PTPRD: variants seen among roughly 807,000 people sequenced by gnomAD.
The protein encoded by PTPRD is protein tyrosine phosphatase receptor type D.
PTPRD carries 34 observed loss-of-function variants against 214.5 expected under a neutral mutation model. The ratio of observed to expected loss-of-function variants is 0.16; its 90% confidence interval spans 0.12 to 0.21. The LOEUF (loss-of-function observed/expected upper bound fraction) is 0.21, where lower values mean the gene tolerates loss of function less well. PTPRD is among the 10% of genes least tolerant of loss of function. The probability of loss-of-function intolerance (pLI) is 1.00; values close to 1 mark genes in which losing one functional copy is unlikely to be tolerated. For synonymous variants in PTPRD, 1,128 were observed against 845.7 expected, an observed-to-expected ratio of 1.33 and a Z score of -5.79; for missense variants, 2,545 against 2,398.7, an observed-to-expected ratio of 1.06 and a Z score of -1.27.
intron 10 of PTPRD, among the ~76,000 whole-genome samples, chr9:9,061,764 G>T (rs1290396119): frequency 6.6e-6 from 1 of 152,162 alleles, no homozygotes; most frequent in Non-Finnish European, 1.5e-5. Context: ...TTGGGACCCA[G>T]TGGCACTAGC....
At position 9,620,782 on chromosome 9, in the gene PTPRD, T is replaced by C. The variant is rs551435867; in HGVS notation, c.-286-46001A>G. ...AGTTTTTGAGATTCAAGTGATGACA[T>C]AGAACTTTATCGTCAGCTACATCAG... On this transcript the variant is annotated intron_variant, in intron 7 of 45. Coordinates refer to ENST00000381196, the MANE Select transcript of PTPRD (RefSeq NM_002839.4). 9.2e-5 allele frequency among the ~76,000 whole-genome samples: 14 copies of C among 151,664 alleles called. No homozygotes were observed. In the East Asian group the frequency reaches 1.4e-3, roughly 15 times the overall value.
intron 8 of PTPRD, chr9:9,442,530 A>C (rs972268881): frequency 1.3e-5 from 2 of 152,240 alleles, no homozygotes; most frequent in Non-Finnish European, 2.9e-5. Context: ...AAACTCCACT[A>C]AATGGCTTGA....
At chr9:10,423,133 G>T (rs908206389) in intron 2 of PTPRD, among the ~76,000 whole-genome samples, 1 of 151,944 alleles carries the variant, frequency 6.6e-6, no homozygotes, top group East Asian at 1.9e-4. Context: ...CCATAAAAAA[G>T]GATGAATTCA....
intron 5 of PTPRD, among the ~76,000 whole-genome samples, chr9:9,859,835 C>T: frequency 6.6e-6 from 1 of 152,158 alleles, no homozygotes; most frequent in East Asian, 1.9e-4. Flanking sequence ...TATAACATGG[C>T]TCTGTTTCTT....
At chr9:10,563,540 T>A (rs1265643163) in intron 2 of PTPRD, among the ~76,000 whole-genome samples, 1 of 152,196 alleles carries the variant, frequency 6.6e-6, no homozygotes. Flanking sequence ...TTATCATAAA[T>A]ATTACTAATG....
chr9:8,501,593 T>A (rs2097409165), intron 23 of PTPRD, among the ~76,000 whole-genome samples: 2 of 152,132 alleles, frequency 1.3e-5, no homozygotes, highest in Non-Finnish European at 2.9e-5. Flanking sequence ...TTCTACCAGT[T>A]CCAATTAAAA....
chr9:10,226,633 A>C (rs947361869), intron 3 of PTPRD, among the ~76,000 whole-genome samples: 2 of 152,038 alleles, frequency 1.3e-5, no homozygotes, highest in Non-Finnish European at 2.9e-5. Context: ...ATTAAATCTC[A>C]AGTACTAAGC....
intron 3 of PTPRD, among the ~76,000 whole-genome samples, chr9:10,281,516 G>C (rs766173774): frequency 2.0e-5 from 3 of 152,136 alleles, no homozygotes; most frequent in Non-Finnish European, 2.9e-5. Context: ...AGAGAATGGA[G>C]TCTCAAACTA....
intron 35 of PTPRD, among the ~76,000 whole-genome samples, chr9:8,434,664 A>G (rs931282330): frequency 3.3e-5 from 5 of 152,222 alleles, no homozygotes; most frequent in Non-Finnish European, 5.9e-5. Flanking sequence ...CAGGGCTATG[A>G]AAAAATATCA....
chr9:9,077,937 A>G (rs1269639114), intron 10 of PTPRD, among the ~76,000 whole-genome samples: 1 of 152,114 alleles, frequency 6.6e-6, no homozygotes, highest in Admixed American at 6.6e-5. Context: ...TTGAGCATTT[A>G]TCTACCTGAC....
chr9:10,536,417 T>C (rs1449946554), intron 2 of PTPRD, among the ~76,000 whole-genome samples: 1 of 152,128 alleles, frequency 6.6e-6, no homozygotes, highest in Non-Finnish European at 1.5e-5. Flanking sequence ...GACTCAAGCA[T>C]AGAATACAAT....
chr9:10,151,331 C>T (rs371086859), intron 3 of PTPRD, among the ~76,000 whole-genome samples: 4 of 132,144 alleles, frequency 3.0e-5, no homozygotes, highest in African/African-American at 8.6e-5. Context: ...GGTGCGATCT[C>T]GGCTCACTGC....
chr9:9,847,518 G>C (rs1184689284), intron 5 of PTPRD, among the ~76,000 whole-genome samples: 1 of 151,918 alleles, frequency 6.6e-6, no homozygotes, highest in East Asian at 1.9e-4. Flanking sequence ...CTGTTCTCTG[G>C]ACCTAATATG....
intron 9 of PTPRD, among the ~76,000 whole-genome samples, chr9:9,360,553 A>T (rs2055702886): frequency 6.6e-6 from 1 of 151,160 alleles, no homozygotes; most frequent in Non-Finnish European, 1.5e-5. Flanking sequence ...TAAATTGGGA[A>T]ATTATCTAGA....
intron 3 of PTPRD, among the ~76,000 whole-genome samples, chr9:10,109,148 A>C (rs2098666234): frequency 6.6e-6 from 1 of 152,174 alleles, no homozygotes; most frequent in African/African-American, 2.4e-5. Context: ...TAAAAATCTA[A>C]ACAGGAGGCT....
At chr9:9,905,717 T>A (rs531636001) in intron 5 of PTPRD, among the ~76,000 whole-genome samples, 1 of 152,018 alleles carries the variant, frequency 6.6e-6, no homozygotes, top group East Asian at 1.9e-4. Flanking sequence ...TACAGAAGAA[T>A]TCAAGACACT....
intron 11 of PTPRD, among the ~76,000 whole-genome samples, chr9:8,758,506 G>C (rs1335379750): frequency 6.6e-6 from 1 of 151,998 alleles, no homozygotes; most frequent in Non-Finnish European, 1.5e-5. Context: ...CCACATTCCA[G>C]AATAAAAATA....
At chr9:9,832,887 T>G (rs1329531102) in intron 5 of PTPRD, among the ~76,000 whole-genome samples, 9 of 143,888 alleles carry the variant, frequency 6.3e-5, no homozygotes, top group Non-Finnish European at 9.0e-5. Context: ...GAAGCTTTTT[T>G]TCTATGTTTT....
At chr9:8,607,486 T>C (rs1300129151) in intron 14 of PTPRD, among the ~76,000 whole-genome samples, 1 of 151,888 alleles carries the variant, frequency 6.6e-6, no homozygotes, top group African/African-American at 2.4e-5. Context: ...CTACAAAAAA[T>C]ACAAAAATTA....
Sources: allele counts gnomAD v4.1 joint callset (sites outside exome capture counted in the v4.1 genomes callset), GRCh38; gene constraint gnomAD v4.1.1; transcripts MANE v1.5; gene names NCBI Gene and HGNC (gene_info 2026-07-23, HGNC 2026-07-21).